Variants in MRPL28 observed in about 807,000 individuals in gnomAD.
MRPL28 encodes large ribosomal subunit protein bL28m.
MRPL28 carries 25 observed loss-of-function variants against 26.2 expected under a neutral mutation model. That is an observed-to-expected ratio of 0.95 (90% CI 0.69 to 1.33). The LOEUF (loss-of-function observed/expected upper bound fraction) is 1.33. MRPL28 is among the 40% of genes most tolerant of loss of function. The pLI is 0.00. For missense variants in MRPL28, 432 were observed against 327.2 expected, an observed-to-expected ratio of 1.32 and a Z score of -2.47; for synonymous variants, 227 against 140.1, an observed-to-expected ratio of 1.62 and a Z score of -4.38.
chr16:368,223 C>A (rs1597149746), intron 5 of MRPL28, 105 bp downstream of exon 5: 1 of 1,346,050 alleles, frequency 7.4e-7, no homozygotes. Context: ...CCAAGCCCAC[C>A]CAGTGCACCA....
At chr16:369,384 C>G in intron 2 of MRPL28, 164 bp from the exon 3 acceptor site, 1 of 855,256 alleles carries the variant, frequency 1.2e-6, no homozygotes, top group Non-Finnish European at 1.8e-6. Flanking sequence ...CCCAGTGCCG[C>G]CCCAGCCCGA....
rs561908732 is a variant in MRPL28, at chr16:367,796, G to A, written c.664-14C>T. 1.2e-5 allele frequency: 20 copies of A among 1,610,400 alleles called. No homozygotes were observed. The highest frequency in any genetic ancestry group is 2.2e-5 in the East Asian group (1 of 44,854). ...GGGTACAGGGTCCTGAAGGAGAGAG[G>A]GGCTCATGGTGAGGCCAGGGAAGCC... On this transcript the variant is annotated splice_polypyrimidine_tract_variant and intron_variant, in intron 5 of 5. Transcript: ENST00000199706.
intron 2 of MRPL28, chr16:369,491 T>C (rs965379540): frequency 2.7e-5 from 17 of 634,230 alleles, no homozygotes; most frequent in Non-Finnish European, 3.7e-5. Context: ...TTCAGAAACA[T>C]GTGCGACCCC....
At chr16:368,466 T>C (rs747397973) in intron 4 of MRPL28, 35 bp downstream of exon 4, 2 of 1,612,008 alleles carry the variant, frequency 1.2e-6, no homozygotes, top group East Asian at 4.5e-5. Flanking sequence ...GGGCCACGAG[T>C]CCCCAGGTGT....
In MRPL28 at chr16:368,555, G is replaced by A. The variant is rs746227567; in HGVS notation, c.522C>T (p.Pro174=). 1.3e-5 allele frequency: 20 copies of A among 1,598,008 alleles called. No individual in the cohort carries two copies. The highest frequency in any genetic ancestry group is 2.6e-6 in the Non-Finnish European group (3 of 1,170,350). ...GMLLRLARQD[P]QLHPEDPERR... is the part of the protein sequence containing the mutation. ...GCTCGGGGTCCTCGGGGTGCAGCTG[G>A]GGGTCCTGCCGGGCAAGCCGCAGCA... is the stretch of plus-strand genomic sequence containing the variant. Residue 174 remains proline (P), a synonymous_variant, in exon 4 of 6, where the codon CCC becomes CCT. Transcript: ENST00000199706.
In MRPL28 at chr16:370,328, GC is replaced by G. The variant is rs2054314525; in HGVS notation, c.-7-104del. 3.7e-6 allele frequency: 5 copies of G among 1,353,420 alleles called. No individual in the cohort carries two copies. In the African/African-American group the frequency reaches 6.5e-5, roughly 18 times the overall value. The allele number at this position is 1,353,420 out of a possible 1,614,324, so 83.8% of individuals were successfully genotyped here. A position where few individuals can be genotyped will look rare whatever the true frequency, so the allele number is the denominator to read the frequency against. The stretch of plus-strand genomic sequence containing the variant: ...CTCTCACCCGCTACCCCGGCCCCCG[GC>G]TCTCACCCGCTACCCCGGCCCCCGG... On this transcript the variant is annotated intron_variant, in intron 1 of 5. Transcript: ENST00000199706.
intron 5 of MRPL28, among the ~76,000 whole-genome samples, chr16:368,039 G>C (rs939074573): frequency 3.9e-5 from 6 of 152,248 alleles, no homozygotes; most frequent in African/African-American, 1.4e-4. Flanking sequence ...GGGGCTCCCT[G>C]TCCTGACAGC....
At chr16:369,275 G>A in intron 2 of MRPL28, 55 bp from the exon 3 acceptor site, 1 of 1,438,386 alleles carries the variant, frequency 7.0e-7, no homozygotes, top group Non-Finnish European at 9.1e-7. Flanking sequence ...ACATACCAAG[G>A]GGGGCCCAGG....
At position 370,012 on chromosome 16, in the gene MRPL28, G is replaced by T. The variant is rs1236354280; in HGVS notation, c.207C>A (p.Ile69=). The part of the protein sequence containing the change: ...RERVEDVPIP[I]YFPPESQRGL... ...CCCGCTGGGATTCGGGGGGAAAGTAGATGGGAATGGGCACGTCCTCCACAC... is the reference window on the plus strand; with the variant it reads ...CCCGCTGGGATTCGGGGGGAAAGTATATGGGAATGGGCACGTCCTCCACAC... Residue 69 remains isoleucine (I), a synonymous_variant, in exon 2 of 6, where the codon ATC becomes ATA. Coordinates refer to ENST00000199706, the MANE Select transcript of MRPL28 (RefSeq NM_006428.5). 2 of 1,613,294 alleles carry T rather than the reference G, an allele frequency of 1.2e-6. No homozygotes were observed. Among genetic ancestry groups the T allele is most frequent in the East Asian group, 2.2e-5 (1 of 44,890 alleles).
intron 2 of MRPL28, 55 bp downstream of exon 2, chr16:369,865 CGTCCGGCACAG>C (rs2054303749): frequency 1.9e-6 from 3 of 1,544,646 alleles, no homozygotes; most frequent in Admixed American, 1.8e-5. Flanking sequence ...GTACCCCGGG[CGTCCGGCACAG>C]AGCCGGCACA....
chr16:367,862 G>T, intron 5 of MRPL28, 80 bp from the exon 6 acceptor site: 1 of 1,227,522 alleles, frequency 8.1e-7, no homozygotes, highest in Non-Finnish European at 1.2e-6. Flanking sequence ...ATCAGCAGCT[G>T]CCGCCCAGAG....
Position 370,119 on chromosome 16 carries a change from C to T in MRPL28, c.100G>A (p.Glu34Lys), listed in dbSNP as rs1567320172. The T allele has an allele frequency of 4.4e-6, 7 of 1,609,122 alleles. No homozygotes were observed. Among genetic ancestry groups the T allele is most frequent in the Admixed American group, 1.7e-5 (1 of 59,416 alleles). The change falls in exon 2 of 6, where the codon GAG becomes AAG. Residue 34 changes from glutamate (E) to lysine (K), a missense_variant. Transcript: ENST00000199706. ...LPGHYLRSLE[E>K]ERTPTPVHYR... ...TGCACGGGAGTGGGCGTCCGCTCCTCCTCCAGGGAGCGCAGGTAGTGGCCG... is the reference window on the plus strand; with the variant it reads ...TGCACGGGAGTGGGCGTCCGCTCCTTCTCCAGGGAGCGCAGGTAGTGGCCG...
In MRPL28 at chr16:367,630, C is replaced by T. The variant is rs541835731; in HGVS notation, c.*45G>A. The T allele has an allele frequency of 5.8e-6, 9 of 1,547,648 alleles. No individual in the cohort carries two copies. Among genetic ancestry groups the T allele is most frequent in the East Asian group, 2.2e-5 (1 of 44,506 alleles). ...TGTGTCCTCAGTGCAAAGGGCCTGG[C>T]AGGGAAAGCTGGGCCTGTTGGTCAG... On this transcript the variant is annotated 3_prime_UTR_variant, in exon 6 of 6. Coordinates refer to ENST00000199706, the MANE Select transcript of MRPL28 (RefSeq NM_006428.5).
chr16:369,966 A>G lies in MRPL28; in HGVS notation c.253T>C (p.Trp85Arg). The G allele has an allele frequency of 6.2e-7, 1 of 1,612,444 alleles. No individual in the cohort carries two copies. The highest frequency in any genetic ancestry group is 1.3e-5 in the African/African-American group (1 of 75,022). ...TTGGCATATATTTGGCCCAGGATCC[A>G]GCCCTCGCCGCCCCACAACCCCCGC... is the stretch of plus-strand genomic sequence containing the variant. ...SQRGLWGGEG[W>R]ILGQIYANND... The change falls in exon 2 of 6, where the codon TGG becomes CGG. Residue 85 changes from tryptophan (W) to arginine (R), a missense_variant. Trp to Arg is a moderately radical substitution (Grantham distance 101, BLOSUM62 -3). Coordinates refer to ENST00000199706, the MANE Select transcript of MRPL28 (RefSeq NM_006428.5).
At chr16:368,746 G>C (rs904118538) in intron 3 of MRPL28, 111 bp from the exon 4 acceptor site, 1 of 1,476,980 alleles carries the variant, frequency 6.8e-7, no homozygotes, top group Non-Finnish European at 9.0e-7. Flanking sequence ...ACAGGACAGA[G>C]AAGGCCCGGG....
chr16:367,621 A>G lies in MRPL28; in HGVS notation c.*54T>C, dbSNP rs2054271011. ...CCCGGGATCTGTGTCCTCAGTGCAA[A>G]GGGCCTGGCAGGGAAAGCTGGGCCT... On this transcript the variant is annotated 3_prime_UTR_variant, in exon 6 of 6. Coordinates refer to ENST00000199706, the MANE Select transcript of MRPL28 (RefSeq NM_006428.5). 6.2e-5 allele frequency: 93 copies of G among 1,509,856 alleles called. No homozygotes were observed. Among genetic ancestry groups the G allele is most frequent in the Non-Finnish European group, 8.1e-5 (88 of 1,088,916 alleles). The allele number at this position is 1,509,856 out of a possible 1,614,324, so 93.5% of individuals were successfully genotyped here. A position where few individuals can be genotyped will look rare whatever the true frequency, so the allele number is the denominator to read the frequency against.
At chr16:369,412 T>A (rs2054296041) in intron 2 of MRPL28, 192 bp from the exon 3 acceptor site, 2 of 666,980 alleles carry the variant, frequency 3.0e-6, no homozygotes, top group South Asian at 3.7e-5. Flanking sequence ...CCTGACTGTG[T>A]ACCCAGAAGT....
chr16:368,864 C>A, intron 3 of MRPL28: 2 of 976,924 alleles, frequency 2.0e-6, no homozygotes, highest in Non-Finnish European at 2.9e-6. Context: ...GGCAAGTCAG[C>A]CACCCACAGA....
chr16:368,131 G>A (rs1400059579), intron 5 of MRPL28, among the ~76,000 whole-genome samples, 197 bp downstream of exon 5: 3 of 152,208 alleles, frequency 2.0e-5, no homozygotes, highest in Non-Finnish European at 4.4e-5. Context: ...TGAGGGTCCT[G>A]GGACAGAACA....
Sources: allele counts gnomAD v4.1 joint callset (sites outside exome capture counted in the v4.1 genomes callset), GRCh38; gene constraint gnomAD v4.1.1; transcripts MANE v1.5; gene names NCBI Gene and HGNC (gene_info 2026-07-23, HGNC 2026-07-21).